Variants in MAGI2 observed in about 807,000 individuals in gnomAD.
MAGI2 encodes the protein membrane associated guanylate kinase, WW and PDZ domain containing 2.
Under a neutral mutation model 133.3 loss-of-function variants are expected in MAGI2, and 35 were observed. The observed-to-expected ratio is 0.26, with a 90% CI of 0.20 to 0.35. The LOEUF (loss-of-function observed/expected upper bound fraction) is 0.35. Among genes scored for constraint, MAGI2 ranks in the 10% least tolerant of loss-of-function variants. MAGI2 has a pLI of 1.00. For synonymous variants in MAGI2, 729 were observed against 710.6 expected (o/e 1.03, Z -0.41); for missense variants, 1,636 against 1,863.4 (o/e 0.88, Z 2.25).
chr7:79,137,395 C>G (rs1373193093), intron 1 of MAGI2, among the ~76,000 whole-genome samples: 1 of 151,476 alleles, frequency 6.6e-6, no homozygotes, highest in East Asian at 1.9e-4. Flanking sequence ...CCTGGACTAC[C>G]ATGAGATGTT....
chr7:78,144,824 G>C (rs377684681), intron 16 of MAGI2, among the ~76,000 whole-genome samples: 2 of 152,066 alleles, frequency 1.3e-5, no homozygotes, highest in South Asian at 2.1e-4. Context: ...ATAGGTATGC[G>C]TGTGTGCCAT....
chr7:78,034,556 C>T (rs1182354066), intron 21 of MAGI2, among the ~76,000 whole-genome samples: 5 of 152,142 alleles, frequency 3.3e-5, no homozygotes, highest in African/African-American at 1.2e-4. Context: ...TAGATGGAGT[C>T]TCGCTCTGTC....
intron 3 of MAGI2, among the ~76,000 whole-genome samples, chr7:78,526,557 A>G (rs1024497725): frequency 1.3e-5 from 2 of 152,220 alleles, no homozygotes; most frequent in Admixed American, 6.5e-5. Context: ...ATAAATTTAC[A>G]TAGTCTTCTT....
intron 2 of MAGI2, among the ~76,000 whole-genome samples, chr7:78,882,437 A>T (rs1795951868): frequency 6.6e-6 from 1 of 152,066 alleles, no homozygotes; most frequent in Admixed American, 6.5e-5. Context: ...TACCAGACAC[A>T]CACAGAAAAA....
chr7:78,873,674 T>C (rs1795205133), intron 2 of MAGI2, among the ~76,000 whole-genome samples: 1 of 152,102 alleles, frequency 6.6e-6, no homozygotes, highest in Admixed American at 6.5e-5. Context: ...GTAATGCGCT[T>C]GAATCATCCC....
intron 1 of MAGI2, among the ~76,000 whole-genome samples, chr7:79,079,725 A>G (rs1020229723): frequency 2.0e-5 from 3 of 152,132 alleles, no homozygotes; most frequent in African/African-American, 7.2e-5. Flanking sequence ...TAGCCCTAAG[A>G]ATTCCTCTAG....
At chr7:78,392,618 C>A (rs539752932) in intron 6 of MAGI2, among the ~76,000 whole-genome samples, 2 of 152,214 alleles carry the variant, frequency 1.3e-5, no homozygotes, top group African/African-American at 4.8e-5. Flanking sequence ...AAAGACTTAT[C>A]CACGCACTTG....
chr7:79,361,838 C>A lies in MAGI2; in HGVS notation c.301+91182G>T, dbSNP rs143754413. ...AATAAACAATACACCTCTAAATAAT[C>A]CATGGATCAAAGAGGAAGTTTCAAA... is the stretch of plus-strand genomic sequence containing the variant. On this transcript the variant is annotated intron_variant, in intron 1 of 21. Coordinates refer to ENST00000354212, the MANE Select transcript of MAGI2 (RefSeq NM_012301.4). Among the ~76,000 whole-genome samples the A allele has an allele frequency of 2.4e-3, 364 of 151,894 alleles. 2 individuals carry two copies. The highest frequency in any genetic ancestry group is 8.5e-3 in the African/African-American group (352 of 41,418).
chr7:78,876,321 CAAA>C (rs57950337), intron 2 of MAGI2, among the ~76,000 whole-genome samples: 8 of 79,678 alleles, frequency 1.0e-4, no homozygotes, highest in Admixed American at 4.7e-4. Flanking sequence ...GACTCCGTCT[CAAA>C]AAAAAAAAAA....
Position 78,764,921 on chromosome 7 carries a change from T to C in MAGI2, c.419-137682A>G, listed in dbSNP as rs150173141. Among the ~76,000 whole-genome samples the C allele has an allele frequency of 5.3e-3, 810 of 152,272 alleles. 7 individuals are homozygous for C. Among genetic ancestry groups the C allele is most frequent in the African/African-American group, 0.018 (757 of 41,548 alleles). The stretch of plus-strand genomic sequence containing the variant: ...GCCTCACAACTTATTACCAGCTTAG[T>C]TAGCAAAGCATAGCCATCTTCGGAT... On this transcript the variant is annotated intron_variant, in intron 2 of 21. Coordinates refer to ENST00000354212, the MANE Select transcript of MAGI2 (RefSeq NM_012301.4).
At chr7:78,043,370 C>T (rs1032266835) in intron 21 of MAGI2, among the ~76,000 whole-genome samples, 1 of 151,784 alleles carries the variant, frequency 6.6e-6, no homozygotes, top group Non-Finnish European at 1.5e-5. Flanking sequence ...TGGGAAAATA[C>T]CTGCGTAGCC....
At chr7:79,298,194 A>G (rs1563090381) in intron 1 of MAGI2, among the ~76,000 whole-genome samples, 2 of 152,208 alleles carry the variant, frequency 1.3e-5, no homozygotes, top group South Asian at 2.1e-4. Context: ...TTTTTCTTCA[A>G]TATTTGATTA....
chr7:79,340,120 T>C (rs1032077176), intron 1 of MAGI2, among the ~76,000 whole-genome samples: 18 of 152,108 alleles, frequency 1.2e-4, no homozygotes, highest in Non-Finnish European at 2.6e-4. Context: ...TTCTGTTCTA[T>C]TAGCTTTGGT....
intron 3 of MAGI2, among the ~76,000 whole-genome samples, chr7:78,587,083 T>G (rs1398605501): frequency 6.6e-6 from 1 of 152,224 alleles, no homozygotes; most frequent in Non-Finnish European, 1.5e-5. Flanking sequence ...TCAATTTTTT[T>G]GGGTATATAC....
chr7:78,287,860 A>ATT (rs1372879786), intron 9 of MAGI2, among the ~76,000 whole-genome samples: 2 of 152,182 alleles, frequency 1.3e-5, no homozygotes, highest in African/African-American at 4.8e-5. Flanking sequence ...CTCATTGACA[A>ATT]TTATAATAGA....
intron 2 of MAGI2, among the ~76,000 whole-genome samples, chr7:78,965,010 G>T (rs1370135782): frequency 6.6e-6 from 1 of 151,756 alleles, no homozygotes; most frequent in Non-Finnish European, 1.5e-5. Context: ...AACCAGATTA[G>T]TGGATAAAAA....
At chr7:78,564,344 T>C (rs1269566535) in intron 3 of MAGI2, among the ~76,000 whole-genome samples, 3 of 152,204 alleles carry the variant, frequency 2.0e-5, no homozygotes, top group Non-Finnish European at 2.9e-5. Flanking sequence ...TATATTAAAA[T>C]ATAAGAAAAA....
At chr7:78,743,522 C>A (rs1822627244) in intron 2 of MAGI2, among the ~76,000 whole-genome samples, 1 of 152,156 alleles carries the variant, frequency 6.6e-6, no homozygotes, top group Non-Finnish European at 1.5e-5. Flanking sequence ...TCTAGTACTC[C>A]AATTATGAGA....
intron 1 of MAGI2, among the ~76,000 whole-genome samples, chr7:79,385,904 T>C (rs1844145585): frequency 6.6e-6 from 1 of 151,942 alleles, no homozygotes; most frequent in Admixed American, 6.6e-5. Context: ...ATAGTAACCA[T>C]TTTACTCTCT....
Sources: gnomAD v4.1 joint callset for allele counts (sites outside exome capture counted in the v4.1 genomes callset) on GRCh38, gnomAD v4.1.1 for gene constraint, MANE v1.5 for transcripts, NCBI Gene and HGNC (gene_info 2026-07-23, HGNC 2026-07-21) for gene names.